Variants in PARD3B observed in about 807,000 individuals in gnomAD.
PARD3B encodes par-3 family cell polarity regulator beta.
A neutral mutation model predicts 130.2 loss-of-function variants in PARD3B; 103 were observed. The observed-to-expected ratio is 0.79, with a 90% CI of 0.67 to 0.93. The LOEUF is 0.93. Among genes scored for constraint, PARD3B ranks in the 40% least tolerant of loss-of-function variants. The probability of loss-of-function intolerance (pLI) is 0.00; values close to 1 mark genes in which losing one functional copy is unlikely to be tolerated. For missense variants in PARD3B, 1,609 were observed against 1,499.2 expected, an observed-to-expected ratio of 1.07 and a Z score of -1.21; for synonymous variants, 583 against 553.2, an observed-to-expected ratio of 1.05 and a Z score of -0.76.
chr2:205,000,579 G>T (rs1166940008), intron 3 of PARD3B, among the ~76,000 whole-genome samples: 1 of 152,166 alleles, frequency 6.6e-6, no homozygotes, highest in African/African-American at 2.4e-5. Flanking sequence ...GTCTACTCAA[G>T]TTTAATTGAT....
rs937346214 is a variant in PARD3B, at chr2:205,584,370, A to G, written c.3260+30967A>G. Among the ~76,000 whole-genome samples the G allele has an allele frequency of 6.6e-6, 1 of 152,210 alleles. No homozygotes were observed. The highest frequency in any genetic ancestry group is 1.5e-5 in the Non-Finnish European group (1 of 68,040). Reference sequence around the variant, plus strand: ...TAGTTTTACTTTTGAATGTGGATACAAGAAAGTTTTAAATTATGTATGCGA... The same window carrying G: ...TAGTTTTACTTTTGAATGTGGATACGAGAAAGTTTTAAATTATGTATGCGA... On this transcript the variant is annotated intron_variant, in intron 22 of 22. Coordinates refer to ENST00000406610, the MANE Select transcript of PARD3B (RefSeq NM_001302769.2). The surrounding 1 kb of genome is among the most constrained non-coding windows in gnomAD (Gnocchi z 5.5).
chr2:204,996,413 C>T (rs1296863073), intron 3 of PARD3B, among the ~76,000 whole-genome samples: 1 of 152,128 alleles, frequency 6.6e-6, no homozygotes, highest in South Asian at 2.1e-4. Context: ...GGTCAGGGAC[C>T]CACTTGAGGA....
chr2:204,803,652 G>T (rs1431393875), intron 2 of PARD3B, among the ~76,000 whole-genome samples: 8 of 151,990 alleles, frequency 5.3e-5, no homozygotes, highest in African/African-American at 1.9e-4. Flanking sequence ...AAAATAATGG[G>T]CTGTAAGATA....
intron 2 of PARD3B, among the ~76,000 whole-genome samples, chr2:204,742,418 G>C (rs1157292584): frequency 6.6e-6 from 1 of 152,114 alleles, no homozygotes; most frequent in African/African-American, 2.4e-5. Context: ...GCTGGAGATC[G>C]ATGGGCAAGA....
At chr2:205,237,757 G>A (rs1030519965) in intron 15 of PARD3B, among the ~76,000 whole-genome samples, 1 of 152,090 alleles carries the variant, frequency 6.6e-6, no homozygotes, top group Non-Finnish European at 1.5e-5. Flanking sequence ...GAGAAAGACA[G>A]CAAAGTGAGA....
At chr2:205,141,525 T>A (rs1477948281) in intron 10 of PARD3B, among the ~76,000 whole-genome samples, 2 of 152,204 alleles carry the variant, frequency 1.3e-5, no homozygotes, top group Non-Finnish European at 2.9e-5. Flanking sequence ...ATGACAGATT[T>A]ACTCCACCCC....
In PARD3B at chr2:205,307,434, C is replaced by T. The variant is rs2042224309; in HGVS notation, c.2630+5733C>T. Among the ~76,000 whole-genome samples, 5 of 152,122 alleles carry T rather than the reference C, an allele frequency of 3.3e-5. No homozygotes were observed. The South Asian group carries it at 1.0e-3, about 31-fold the overall frequency. On this transcript the variant is annotated intron_variant, in intron 18 of 22. Transcript: ENST00000406610. ...GTGGAAAAATATGCAGCTCAAGAGC[C>T]TACCAATTTTGTAGTTTCTCTGTAT...
At chr2:205,310,558 A>G (rs2042344440) in intron 18 of PARD3B, among the ~76,000 whole-genome samples, 1 of 151,738 alleles carries the variant, frequency 6.6e-6, no homozygotes. Flanking sequence ...TTCGACTTTT[A>G]TACACCTCAC....
intron 2 of PARD3B, among the ~76,000 whole-genome samples, chr2:204,784,132 G>A (rs1460309530): frequency 6.6e-6 from 1 of 152,162 alleles, no homozygotes; most frequent in Admixed American, 6.6e-5. Flanking sequence ...CACTTGATAA[G>A]CGAGTGATTG....
intron 2 of PARD3B, among the ~76,000 whole-genome samples, chr2:204,694,209 AT>A (rs1443078117): frequency 4.6e-5 from 7 of 152,028 alleles, no homozygotes; most frequent in African/African-American, 1.4e-4. Context: ...TCAAGGTGAA[AT>A]TGTATTTTAT....
chr2:204,808,443 T>C (rs1442127995), intron 2 of PARD3B, among the ~76,000 whole-genome samples: 1 of 152,176 alleles, frequency 6.6e-6, no homozygotes, highest in Non-Finnish European at 1.5e-5. Flanking sequence ...ACCTGTGTAC[T>C]AAACCTAGTA....
At chr2:205,186,643 A>C (rs1305722222) in intron 14 of PARD3B, among the ~76,000 whole-genome samples, 1 of 152,194 alleles carries the variant, frequency 6.6e-6, no homozygotes. Context: ...GCTAAAAATA[A>C]AGCAGCATGC....
chr2:205,024,140 C>G (rs943596476), intron 3 of PARD3B, among the ~76,000 whole-genome samples: 2 of 150,274 alleles, frequency 1.3e-5, no homozygotes, highest in African/African-American at 4.9e-5. Context: ...TCATGTATGC[C>G]TCACCATCAT....
intron 18 of PARD3B, among the ~76,000 whole-genome samples, chr2:205,394,125 A>G (rs1205793746): frequency 6.6e-6 from 1 of 152,088 alleles, no homozygotes. Flanking sequence ...TAAGGAATGA[A>G]TGGATGAATG....
chr2:205,445,613 A>G (rs1042466507), intron 20 of PARD3B, among the ~76,000 whole-genome samples: 1 of 152,134 alleles, frequency 6.6e-6, no homozygotes, highest in Non-Finnish European at 1.5e-5. Context: ...CCATGATCCA[A>G]TCATCTCCCA....
chr2:205,015,393 A>C lies in PARD3B; in HGVS notation c.395-32188A>C, dbSNP rs1396042552. On this transcript the variant is annotated intron_variant, in intron 3 of 22. Coordinates refer to ENST00000406610, the MANE Select transcript of PARD3B (RefSeq NM_001302769.2). The surrounding 1 kb of genome is among the most constrained non-coding windows in gnomAD (Gnocchi z 4.5). Reference sequence around the variant, plus strand: ...TGAAAGAAAATCCATGTATAAGTGAACCTGCGCAGCTCGAACCTGTGTTGT... The same window carrying C: ...TGAAAGAAAATCCATGTATAAGTGACCCTGCGCAGCTCGAACCTGTGTTGT... 1.3e-5 allele frequency among the ~76,000 whole-genome samples: 2 copies of C among 152,096 alleles called. No homozygotes were observed. The highest frequency in any genetic ancestry group is 2.9e-5 in the Non-Finnish European group (2 of 68,018).
At chr2:204,982,598 T>C (rs1692770329) in intron 3 of PARD3B, among the ~76,000 whole-genome samples, 2 of 152,356 alleles carry the variant, frequency 1.3e-5, no homozygotes, top group Middle Eastern at 3.4e-3. Flanking sequence ...TGACTCATGT[T>C]TCACACCAGT....
rs1377956280 is a variant in PARD3B at position 205,292,039 on chromosome 2, T to C, written c.2186-8491T>C. 6.6e-5 allele frequency among the ~76,000 whole-genome samples: 10 copies of C among 152,170 alleles called. No homozygotes were observed. On this transcript the variant is annotated intron_variant, in intron 16 of 22. Transcript: ENST00000406610. This position sits in a 1 kb window ranked among gnomAD's most constrained non-coding sequence, Gnocchi z 5.3. Reference sequence around the variant, plus strand: ...CCTCAGGACCTCAGTGCATGCTGCATAGGGCAGCCAAACACCACTGGGTTC... The same window carrying C: ...CCTCAGGACCTCAGTGCATGCTGCACAGGGCAGCCAAACACCACTGGGTTC...
At chr2:204,775,889 G>A (rs1016601795) in intron 2 of PARD3B, among the ~76,000 whole-genome samples, 1 of 152,114 alleles carries the variant, frequency 6.6e-6, no homozygotes, top group African/African-American at 2.4e-5. Flanking sequence ...TTTCTGGCTT[G>A]CAGGTTTCTC....
Sources: allele counts gnomAD v4.1 joint callset (sites outside exome capture counted in the v4.1 genomes callset), GRCh38; gene constraint gnomAD v4.1.1; non-coding constraint Gnocchi (gnomAD v3.1); transcripts MANE v1.5; gene names NCBI Gene and HGNC (gene_info 2026-07-23, HGNC 2026-07-21).